The following CMIP variants were observed in gnomAD, a reference collection of about 807,000 sequenced individuals.
CMIP encodes C-Maf-inducing protein.
Under a neutral mutation model 97.3 loss-of-function variants are expected in CMIP, and 13 were observed. The observed-to-expected ratio is 0.13, with a 90% confidence interval of 0.09 to 0.21. The LOEUF (loss-of-function observed/expected upper bound fraction) is 0.21. Among genes scored for constraint, CMIP ranks in the 10% least tolerant of loss-of-function variants. CMIP has a pLI of 1.00. For synonymous variants in CMIP, 538 were observed against 436.3 expected, an observed-to-expected ratio of 1.23 and a Z score of -2.91; for missense variants, 847 against 1,024.9, an observed-to-expected ratio of 0.83 and a Z score of 2.37.
intron 1 of CMIP, among the ~76,000 whole-genome samples, chr16:81,496,502 C>T (rs1414283322): frequency 6.6e-6 from 1 of 152,234 alleles, no homozygotes. Context: ...TTCAGCCTTT[C>T]AGCAAGGATC....
intron 1 of CMIP, among the ~76,000 whole-genome samples, chr16:81,599,469 C>G (rs569137284): frequency 6.6e-6 from 1 of 152,336 alleles, no homozygotes; most frequent in South Asian, 2.1e-4. Flanking sequence ...CCAAGCTGAT[C>G]TATAGGTGTC....
At chr16:81,575,076 C>T (rs1043542216) in intron 1 of CMIP, among the ~76,000 whole-genome samples, 19 of 152,170 alleles carry the variant, frequency 1.2e-4, no homozygotes, top group African/African-American at 4.1e-4. Flanking sequence ...AGAGTTGCCT[C>T]GTAATATAAT....
At chr16:81,677,813 C>A (rs919055103) in intron 9 of CMIP, among the ~76,000 whole-genome samples, 23 of 152,116 alleles carry the variant, frequency 1.5e-4, no homozygotes, top group Non-Finnish European at 2.6e-4. Context: ...AGAGCAGAGT[C>A]CTGGAGGACA....
rs1303961034 is a variant in CMIP at position 81,702,609 on chromosome 16, G to C, written c.1897-13G>C. On this transcript the variant is annotated splice_polypyrimidine_tract_variant and intron_variant, in intron 16 of 20. Coordinates refer to ENST00000537098, the MANE Select transcript of CMIP (RefSeq NM_198390.3). ...GAAAAGAATGGTTGTAACCAGCCTG[G>C]TTTCTGTTGCAGCAAAGGAAAGGCG... 6.2e-7 allele frequency: 1 copy of C among 1,612,712 alleles called. No individual in the cohort carries two copies. The highest frequency in any genetic ancestry group is 8.5e-7 in the Non-Finnish European group (1 of 1,179,338).
At chr16:81,463,804 C>G (rs545962720) in intron 1 of CMIP, 1 of 152,376 alleles carries the variant, frequency 6.6e-6, no homozygotes, top group Non-Finnish European at 1.5e-5. Flanking sequence ...GACTCGAGCT[C>G]GTGTGTCTTT....
In CMIP at chr16:81,616,717, T is replaced by G. The variant is rs1010761950; in HGVS notation, c.427-4159T>G. Among the ~76,000 whole-genome samples, 3 of 152,088 alleles carry G rather than the reference T, an allele frequency of 2.0e-5. No homozygotes were observed. Among genetic ancestry groups the G allele is most frequent in the Non-Finnish European group, 2.9e-5 (2 of 68,016 alleles). ...GTGGCTGGGGAAGGGGGTCACACCC[T>G]CCTATGGGAGGAAAGGCTTGGAAAC... is the stretch of plus-strand genomic sequence containing the variant. On this transcript the variant is annotated intron_variant, in intron 2 of 20. Transcript: ENST00000537098. This position sits in a 1 kb window ranked among gnomAD's most constrained non-coding sequence, Gnocchi z 4.7.
chr16:81,605,343 C>A (rs906944248), intron 1 of CMIP, among the ~76,000 whole-genome samples: 3 of 152,230 alleles, frequency 2.0e-5, no homozygotes, highest in African/African-American at 7.2e-5. Flanking sequence ...GTGGAAAGGA[C>A]AGGATGAACG....
intron 3 of CMIP, among the ~76,000 whole-genome samples, chr16:81,632,543 C>A (rs2092177468): frequency 6.6e-6 from 1 of 152,206 alleles, no homozygotes; most frequent in African/African-American, 2.4e-5. Flanking sequence ...ACTTTAGATC[C>A]TTTAGGAAAA....
chr16:81,560,110 G>A lies in CMIP; in HGVS notation c.301-47457G>A, dbSNP rs570964220. On this transcript the variant is annotated intron_variant, in intron 1 of 20. Transcript: ENST00000537098. Reference sequence around the variant, plus strand: ...TTGCAGGGGCCCTGTCTGCGTCACTGCACTCCAGCCTGGGCGACAGAGCGA... The same window carrying A: ...TTGCAGGGGCCCTGTCTGCGTCACTACACTCCAGCCTGGGCGACAGAGCGA... Among the ~76,000 whole-genome samples, 18 of 147,418 alleles carry A rather than the reference G, an allele frequency of 1.2e-4. 1 individual carries two copies. The highest frequency in any genetic ancestry group is 4.2e-4 in the African/African-American group (17 of 40,064).
intron 1 of CMIP, among the ~76,000 whole-genome samples, chr16:81,461,006 C>G (rs372293923): frequency 6.6e-6 from 1 of 152,200 alleles, no homozygotes; most frequent in Non-Finnish European, 1.5e-5. Context: ...TGTGAAGGCT[C>G]AGGATGGGCA....
intron 1 of CMIP, among the ~76,000 whole-genome samples, chr16:81,554,789 CTG>C (rs1299403623): frequency 1.1e-4 from 16 of 152,222 alleles, no homozygotes; most frequent in African/African-American, 3.6e-4. Flanking sequence ...TGGTAAGACT[CTG>C]TGGGACCCAA....
At chr16:81,705,415 C>G (rs1908018473) in intron 18 of CMIP, 84 bp from the exon 19 acceptor site, 3 of 992,354 alleles carry the variant, frequency 3.0e-6, no homozygotes, top group South Asian at 3.1e-5. Context: ...CTGTCCCCAT[C>G]CCTTTCCTCC....
intron 1 of CMIP, among the ~76,000 whole-genome samples, chr16:81,590,401 G>A (rs945673624): frequency 6.6e-6 from 1 of 152,164 alleles, no homozygotes; most frequent in African/African-American, 2.4e-5. Context: ...ATGATTTCGG[G>A]AACAAGAGAG....
intron 1 of CMIP, among the ~76,000 whole-genome samples, chr16:81,560,619 C>T (rs553278819): frequency 2.6e-5 from 4 of 152,298 alleles, no homozygotes; most frequent in African/African-American, 7.2e-5. Flanking sequence ...ATTCACTCAC[C>T]GCTCACTCAC....
intron 1 of CMIP, among the ~76,000 whole-genome samples, chr16:81,500,353 C>A (rs2089583048): frequency 1.0e-5 from 1 of 97,156 alleles, no homozygotes; most frequent in African/African-American, 3.6e-5. Flanking sequence ...CTCCCTCTCT[C>A]CTTTCCTCCC....
intron 2 of CMIP, chr16:81,610,221 C>G (rs960079768): frequency 1.5e-6 from 1 of 681,704 alleles, no homozygotes; most frequent in African/African-American, 1.9e-5. Flanking sequence ...TGGAATGTCC[C>G]TTTAACCCGG....
chr16:81,456,572 C>A (rs1383877256), intron 1 of CMIP, among the ~76,000 whole-genome samples: 1 of 151,438 alleles, frequency 6.6e-6, no homozygotes, highest in South Asian at 2.1e-4. Context: ...TTCATCTAAT[C>A]CTCACGATGC....
rs1436839519 is a variant in CMIP, at chr16:81,636,224, A to G, written c.477+15298A>G. The stretch of plus-strand genomic sequence containing the variant: ...ATGCACTTGAAAAATCGGATTATCC[A>G]TCTACTAGACCACTGAAAAGTCAAA... On this transcript the variant is annotated intron_variant, in intron 3 of 20. Transcript: ENST00000537098. Among the ~76,000 whole-genome samples the G allele has an allele frequency of 2.6e-5, 4 of 152,150 alleles. No homozygotes were observed. The East Asian group carries it at 7.7e-4, about 29-fold the overall frequency.
At chr16:81,565,968 G>C (rs57268767) in intron 1 of CMIP, among the ~76,000 whole-genome samples, 1 of 152,162 alleles carries the variant, frequency 6.6e-6, no homozygotes, top group Admixed American at 6.5e-5. Flanking sequence ...AGAGTTTCCC[G>C]AACACTCATA....
Sources: allele counts gnomAD v4.1 joint callset (sites outside exome capture counted in the v4.1 genomes callset), GRCh38; gene constraint gnomAD v4.1.1; non-coding constraint Gnocchi (gnomAD v3.1); transcripts MANE v1.5; gene names NCBI Gene and HGNC (gene_info 2026-07-23, HGNC 2026-07-21).